The following KCNAB1 variants were observed in gnomAD, a reference collection of about 807,000 sequenced individuals.
KCNAB1 encodes the protein voltage-gated potassium channel subunit beta-1.
KCNAB1 carries 35 observed loss-of-function variants against 64.6 expected under a neutral mutation model. The ratio of observed to expected loss-of-function variants is 0.54; its 90% CI spans 0.41 to 0.72. The LOEUF is 0.72. Ranked by LOEUF, KCNAB1 falls within the 30% of genes least tolerant of loss-of-function variation. The probability of loss-of-function intolerance (pLI) is 0.00; values close to 1 mark genes in which losing one functional copy is unlikely to be tolerated. For synonymous variants in KCNAB1, 177 were observed against 183.8 expected, an observed-to-expected ratio of 0.96 and a Z score of 0.30; for missense variants, 401 against 512.9, an observed-to-expected ratio of 0.78 and a Z score of 2.11.
intron 1 of KCNAB1, among the ~76,000 whole-genome samples, chr3:156,287,398 A>T (rs984821524): frequency 4.0e-5 from 6 of 151,854 alleles, no homozygotes; most frequent in Admixed American, 3.3e-4. Flanking sequence ...AAACAAGAGG[A>T]AATCAGTTTT....
At chr3:156,335,041 C>T (rs1723593687) in intron 1 of KCNAB1, among the ~76,000 whole-genome samples, 1 of 152,214 alleles carries the variant, frequency 6.6e-6, no homozygotes, top group Non-Finnish European at 1.5e-5. Context: ...AATCGGATCA[C>T]AATGCTTTCC....
At chr3:156,367,171 CT>C (rs9331286) in intron 1 of KCNAB1, among the ~76,000 whole-genome samples, 32,323 of 118,370 alleles carry the variant, frequency 0.27, 3,861 homozygotes, top group African/African-American at 0.36. Flanking sequence ...AGTAATCTAC[CT>C]TTTTTTTTTT....
intron 7 of KCNAB1, among the ~76,000 whole-genome samples, chr3:156,472,566 A>G (rs144410106): frequency 2.0e-5 from 3 of 152,284 alleles, no homozygotes; most frequent in African/African-American, 7.2e-5. Context: ...CTCCACTTCA[A>G]AGTCAGAGGA....
chr3:156,354,577 A>G (rs1418481599), intron 1 of KCNAB1, among the ~76,000 whole-genome samples: 2 of 152,138 alleles, frequency 1.3e-5, no homozygotes, highest in East Asian at 3.9e-4. Context: ...GGAAACTTCC[A>G]TAGGATTAGA....
At chr3:156,308,977 A>G (rs1299784667) in intron 1 of KCNAB1, among the ~76,000 whole-genome samples, 1 of 152,210 alleles carries the variant, frequency 6.6e-6, no homozygotes, top group African/African-American at 2.4e-5. Context: ...GATTTTCAAT[A>G]AAAGTTATTT....
intron 1 of KCNAB1, among the ~76,000 whole-genome samples, chr3:156,137,715 T>G (rs557861886): frequency 3.3e-5 from 5 of 150,636 alleles, no homozygotes; most frequent in African/African-American, 1.2e-4. Context: ...CTGGCTAATT[T>G]TTTTTTTTTT....
chr3:156,408,578 G>A (rs192065144), intron 1 of KCNAB1, among the ~76,000 whole-genome samples: 264 of 152,192 alleles, frequency 1.7e-3, no homozygotes, highest in African/African-American at 6.3e-3. Context: ...TCAAGAGTTC[G>A]AGACCAGCCT....
At chr3:156,532,456 G>A (rs548783602) in intron 13 of KCNAB1, among the ~76,000 whole-genome samples, 12 of 152,248 alleles carry the variant, frequency 7.9e-5, no homozygotes, top group African/African-American at 2.9e-4. Flanking sequence ...TTTTTCTCTT[G>A]CTCATGGAGG....
intron 1 of KCNAB1, among the ~76,000 whole-genome samples, chr3:156,221,801 G>T (rs1313946901): frequency 4.1e-5 from 6 of 145,640 alleles, no homozygotes; most frequent in Admixed American, 7.1e-5. Flanking sequence ...AAAAAGTTTT[G>T]TGTCCAGCAA....
rs567896757 is a variant in KCNAB1 at position 156,537,203 on chromosome 3, T to G, written c.*456T>G. 2.9e-4 allele frequency: 115 copies of G among 395,994 alleles called. No individual in the cohort carries two copies. Among genetic ancestry groups the G allele is most frequent in the African/African-American group, 2.1e-3 (103 of 48,278 alleles). 24.5% of individuals were successfully genotyped at this position (395,994 alleles called of 1,614,324 possible). A position where few individuals can be genotyped will look rare whatever the true frequency, so the allele number is the denominator to read the frequency against. ...GAGATTTTTCTTAGTAAATAGATTATTGTTAAGTAAATAGTTATTAAAAAT... is the reference window on the plus strand; with the variant it reads ...GAGATTTTTCTTAGTAAATAGATTAGTGTTAAGTAAATAGTTATTAAAAAT... On this transcript the variant is annotated 3_prime_UTR_variant, in exon 14 of 14. Transcript: ENST00000490337.
rs1347744448 is a variant in KCNAB1 at position 156,538,089 on chromosome 3, A to C, written c.*1342A>C. 1 of 152,084 alleles carries C rather than the reference A, an allele frequency of 6.6e-6. No individual in the cohort carries two copies. The highest frequency in any genetic ancestry group is 2.4e-5 in the African/African-American group (1 of 41,404). 9.4% of individuals were successfully genotyped at this position (152,084 alleles called of 1,614,324 possible). A position where few individuals can be genotyped will look rare whatever the true frequency, so the allele number is the denominator to read the frequency against. On this transcript the variant is annotated 3_prime_UTR_variant, in exon 14 of 14. Coordinates refer to ENST00000490337, the MANE Select transcript of KCNAB1 (RefSeq NM_172160.3). ...CTTACCCTCATTAATATCCCACTTG[A>C]GAAAAATTGTGAGACTATACTGTGT... is the stretch of plus-strand genomic sequence containing the variant.
chr3:156,371,563 T>A (rs1162835898), intron 1 of KCNAB1, among the ~76,000 whole-genome samples: 2 of 152,154 alleles, frequency 1.3e-5, no homozygotes, highest in Non-Finnish European at 2.9e-5. Context: ...TACTGCAGAC[T>A]AGGGTCTAAA....
chr3:156,244,376 G>A (rs1210778791), intron 1 of KCNAB1, among the ~76,000 whole-genome samples: 2 of 152,058 alleles, frequency 1.3e-5, no homozygotes, highest in African/African-American at 4.8e-5. Flanking sequence ...ATAACATTGG[G>A]TCCACCTAGC....
At chr3:156,138,803 T>C (rs1266060061) in intron 1 of KCNAB1, among the ~76,000 whole-genome samples, 1 of 152,200 alleles carries the variant, frequency 6.6e-6, no homozygotes, top group Non-Finnish European at 1.5e-5. Flanking sequence ...GGTCAAGACC[T>C]GTCCAAGGTC....
chr3:156,404,614 A>G (rs756121046), intron 1 of KCNAB1, among the ~76,000 whole-genome samples: 1 of 152,224 alleles, frequency 6.6e-6, no homozygotes, highest in Non-Finnish European at 1.5e-5. Context: ...CAAGCATTAA[A>G]TGTATGCACA....
chr3:156,401,032 T>C (rs921681992), intron 1 of KCNAB1, among the ~76,000 whole-genome samples: 1 of 152,258 alleles, frequency 6.6e-6, no homozygotes, highest in Non-Finnish European at 1.5e-5. Flanking sequence ...ATTGAACTTT[T>C]AGGTTTCCTA....
chr3:156,292,043 A>G, intron 1 of KCNAB1: 1 of 1,614,218 alleles, frequency 6.2e-7, no homozygotes, highest in Non-Finnish European at 8.5e-7. Context: ...GGTCGCTATC[A>G]TCGCGCGCAG....
intron 1 of KCNAB1, among the ~76,000 whole-genome samples, chr3:156,307,407 A>G (rs543271509): frequency 1.2e-4 from 18 of 152,044 alleles, no homozygotes; most frequent in Non-Finnish European, 1.9e-4. Context: ...ACAAGAAAAG[A>G]AATTATTTAT....
intron 1 of KCNAB1, among the ~76,000 whole-genome samples, chr3:156,317,793 T>C (rs1175873125): frequency 1.3e-5 from 2 of 152,184 alleles, no homozygotes; most frequent in Admixed American, 1.3e-4. Context: ...CTGAAACACG[T>C]AACCATTACT....
Sources: allele counts gnomAD v4.1 joint callset (sites outside exome capture counted in the v4.1 genomes callset), GRCh38; gene constraint gnomAD v4.1.1; transcripts MANE v1.5; gene names NCBI Gene and HGNC (gene_info 2026-07-23, HGNC 2026-07-21).